TRPM1: variants seen among roughly 807,000 people sequenced by gnomAD.
TRPM1 encodes the protein transient receptor potential cation channel subfamily M member 1.
TRPM1 carries 113 observed loss-of-function variants against 149.4 expected under a neutral mutation model. That is an observed-to-expected ratio of 0.76 (90% CI 0.65 to 0.88). The LOEUF (loss-of-function observed/expected upper bound fraction) is 0.88, where lower values mean the gene tolerates loss of function less well. TRPM1 is among the 40% of genes least tolerant of loss of function. The pLI is 0.00. For missense variants in TRPM1, 1,976 were observed against 2,038.7 expected (o/e 0.97, Z 0.59); for synonymous variants, 741 against 759.5 (o/e 0.98, Z 0.40).
At chr15:31,145,855 A>G (rs1002217729) in intron 1 of TRPM1, among the ~76,000 whole-genome samples, 1 of 151,960 alleles carries the variant, frequency 6.6e-6, no homozygotes, top group African/African-American at 2.4e-5. Context: ...CCTGGGCCAC[A>G]TTGGAAGAAG....
intron 27 of TRPM1, among the ~76,000 whole-genome samples, chr15:31,023,623 T>C (rs1033544781): frequency 2.0e-5 from 3 of 152,158 alleles, no homozygotes; most frequent in East Asian, 3.9e-4. Context: ...CGAGGGGAAG[T>C]AAACAGAACT....
In TRPM1 at chr15:31,002,422, C is replaced by T. The variant is rs554560593; in HGVS notation, c.4278G>A (p.Thr1426=). 54 of 1,614,230 alleles carry T rather than the reference C, an allele frequency of 3.3e-5. No individual in the cohort carries two copies. Among genetic ancestry groups the T allele is most frequent in the Admixed American group, 6.7e-5 (4 of 60,032 alleles). The change falls in exon 28 of 28, where the codon ACG becomes ACA. Residue 1426 remains threonine (T), a synonymous_variant. Coordinates refer to ENST00000256552, the MANE Select transcript of TRPM1 (RefSeq NM_001252024.2). ...AGGAAATAGTGCCTTCTATATTTGTCGTTTCCACTGTTAGCTGAGTGTTTT... is the reference window on the plus strand; with the variant it reads ...AGGAAATAGTGCCTTCTATATTTGTTGTTTCCACTGTTAGCTGAGTGTTTT... The part of the protein sequence containing the change: ...DVQNTQLTVE[T]TNIEGTISYP...
At chr15:31,027,189 A>G (rs576027881) in intron 25 of TRPM1, 72 bp from the exon 26 acceptor site, 2 of 1,438,616 alleles carry the variant, frequency 1.4e-6, no homozygotes, top group African/African-American at 1.4e-5. Flanking sequence ...AGTCAAAGTT[A>G]CTCACATTTA....
chr15:31,156,933 T>TA lies in TRPM1; in HGVS notation c.54+3972_54+3973insT, dbSNP rs199831147. Among the ~76,000 whole-genome samples, 579 of 151,050 alleles carry TA rather than the reference T, an allele frequency of 3.8e-3. 3 individuals carry two copies. Among genetic ancestry groups the TA allele is most frequent in the Admixed American group, 7.6e-3 (115 of 15,220 alleles). On this transcript the variant is annotated intron_variant, in intron 1 of 26. Coordinates refer to the TRPM1 transcript ENST00000542188. ...TATAAATAGTGTACTTACATTTATT[T>TA]TTTTTTTTTTGAGATAGGGTCTCAC...
intron 1 of TRPM1, among the ~76,000 whole-genome samples, chr15:31,126,496 C>T (rs1596088771): frequency 6.6e-6 from 1 of 152,302 alleles, no homozygotes; most frequent in East Asian, 1.9e-4. Flanking sequence ...CTCTCCCATC[C>T]TTGGCAGGGT....
intron 1 of TRPM1, among the ~76,000 whole-genome samples, chr15:31,129,761 G>T (rs1337031285): frequency 6.6e-6 from 1 of 152,194 alleles, no homozygotes; most frequent in African/African-American, 2.4e-5. Flanking sequence ...TCTGACACCC[G>T]TGTGTGGTTC....
chr15:31,146,813 C>A (rs2036229619), intron 1 of TRPM1, among the ~76,000 whole-genome samples: 1 of 152,098 alleles, frequency 6.6e-6, no homozygotes, highest in South Asian at 2.1e-4. Context: ...ATGCAGAAAC[C>A]CCATCTCTAC....
At chr15:31,012,976 CTTTTTTTTTTTCT>C (rs980402243) in intron 27 of TRPM1, among the ~76,000 whole-genome samples, 16 of 119,724 alleles carry the variant, frequency 1.3e-4, no homozygotes, top group African/African-American at 3.4e-4. Context: ...CTTTCTTTTT[CTTTTTTTTTTTCT>C]TTTTTTTTTT....
intron 1 of TRPM1, among the ~76,000 whole-genome samples, chr15:31,136,519 G>T (rs184956462): frequency 6.6e-6 from 1 of 152,206 alleles, no homozygotes; most frequent in Non-Finnish European, 1.5e-5. Flanking sequence ...CACAGATTGG[G>T]TTAGGCTGCT....
chr15:31,150,499 C>T (rs527417577), intron 1 of TRPM1, among the ~76,000 whole-genome samples: 18 of 140,576 alleles, frequency 1.3e-4, no homozygotes, highest in East Asian at 6.3e-4. Flanking sequence ...TGCAGTAGTG[C>T]GATCTCAGCT....
rs2035770629 is a variant in TRPM1 at position 31,114,433 on chromosome 15, T to A, written c.55-37449A>T. The stretch of plus-strand genomic sequence containing the variant: ...AGTCTATTATTGATGGGCATTTAGG[T>A]TGATTCCATATCTTGCTGAAAGATG... On this transcript the variant is annotated intron_variant, in intron 1 of 26. Coordinates refer to the TRPM1 transcript ENST00000542188. Among the ~76,000 whole-genome samples the A allele has an allele frequency of 2.0e-5, 3 of 152,208 alleles. No individual in the cohort carries two copies. The South Asian group carries it at 6.2e-4, about 31-fold the overall frequency.
intron 12 of TRPM1, 81 bp from the exon 13 acceptor site, chr15:31,049,590 A>C (rs2033887453): frequency 1.3e-6 from 2 of 1,547,742 alleles, no homozygotes; most frequent in Non-Finnish European, 1.8e-6. Context: ...CACAGAGGAA[A>C]GGGTATTCCG....
intron 4 of TRPM1, chr15:31,069,271 G>T: frequency 3.2e-6 from 1 of 314,444 alleles, no homozygotes; most frequent in Non-Finnish European, 4.6e-6. Context: ...CCATGAACTT[G>T]ACCTCTTCAA....
Position 31,034,423 on chromosome 15 carries a change from G to A in TRPM1, c.2700+1123C>T, listed in dbSNP as rs144235258. On this transcript the variant is annotated intron_variant, in intron 21 of 27. Coordinates refer to ENST00000256552, the MANE Select transcript of TRPM1 (RefSeq NM_001252024.2). ...CACCCCATCTGCTGCAGGTGCTGCT[G>A]TTAGGCCCACACCTGCCCCCTTCTG... Among the ~76,000 whole-genome samples, 597 of 152,324 alleles carry A rather than the reference G, an allele frequency of 3.9e-3. 1 individual carries two copies. The highest frequency in any genetic ancestry group is 6.1e-3 in the Non-Finnish European group (413 of 68,020).
At chr15:31,075,634 A>T (rs28679758) in intron 3 of TRPM1, among the ~76,000 whole-genome samples, 32,729 of 152,068 alleles carry the variant, frequency 0.22, 3,892 homozygotes, top group Admixed American at 0.31. Context: ...TGCTCCTCCC[A>T]GGAAGAAAGC....
At chr15:31,085,366 A>C (rs941855277) in intron 1 of TRPM1, among the ~76,000 whole-genome samples, 1 of 152,230 alleles carries the variant, frequency 6.6e-6, no homozygotes, top group Non-Finnish European at 1.5e-5. Context: ...TTAAGCTGCA[A>C]TTGCAAATAA....
chr15:31,071,706 G>A (rs1290174979), intron 3 of TRPM1, among the ~76,000 whole-genome samples: 3 of 151,920 alleles, frequency 2.0e-5, no homozygotes, highest in Admixed American at 6.6e-5. Context: ...GCTCACGCCT[G>A]TAATCCCAAC....
intron 11 of TRPM1, 117 bp downstream of exon 11, chr15:31,060,427 A>G (rs1567025079): frequency 8.3e-6 from 7 of 844,910 alleles, no homozygotes; most frequent in African/African-American, 1.7e-5. Context: ...ATTACATATC[A>G]TATCATCAGA....
intron 1 of TRPM1, among the ~76,000 whole-genome samples, chr15:31,096,982 C>T (rs536952445): frequency 2.0e-5 from 3 of 152,202 alleles, no homozygotes; most frequent in African/African-American, 2.4e-5. Flanking sequence ...CACAGCTCAG[C>T]GTGACGGTGG....
Sources: allele counts gnomAD v4.1 joint callset (sites outside exome capture counted in the v4.1 genomes callset), GRCh38; gene constraint gnomAD v4.1.1; transcripts MANE v1.5; gene names NCBI Gene and HGNC (gene_info 2026-07-23, HGNC 2026-07-21).